Variants in SLIT2 observed in about 807,000 individuals in gnomAD.
The protein encoded by SLIT2 is slit guidance ligand 2, also known as slit homolog 2 protein.
SLIT2 carries 41 observed loss-of-function variants against 185.7 expected under a neutral mutation model. That is an observed-to-expected ratio of 0.22 (90% CI 0.17 to 0.29). SLIT2 has a LOEUF of 0.29. SLIT2 is among the 10% of genes least tolerant of loss of function. The pLI is 1.00. For missense variants in SLIT2, 1,571 were observed against 1,909.0 expected (o/e 0.82, Z 3.30); for synonymous variants, 693 against 680.2 (o/e 1.02, Z -0.29).
chr4:20,612,679 A>G (rs1729314213), intron 34 of SLIT2, among the ~76,000 whole-genome samples: 1 of 152,182 alleles, frequency 6.6e-6, no homozygotes, highest in Non-Finnish European at 1.5e-5. Flanking sequence ...GCACTTTGGG[A>G]GGCCAAGGCG....
At chr4:20,554,219 A>G in intron 26 of SLIT2, 1 of 568,964 alleles carries the variant, frequency 1.8e-6, no homozygotes, top group Non-Finnish European at 3.3e-6. Flanking sequence ...AAAAACGTAG[A>G]GTTCACAATT....
chr4:20,565,867 A>G (rs1328532789), intron 26 of SLIT2, among the ~76,000 whole-genome samples: 1 of 152,046 alleles, frequency 6.6e-6, no homozygotes, highest in African/African-American at 2.4e-5. Flanking sequence ...TAGGAAAGCT[A>G]AACACTACAG....
chr4:20,332,187 T>C (rs1720116966), intron 4 of SLIT2, among the ~76,000 whole-genome samples: 1 of 152,140 alleles, frequency 6.6e-6, no homozygotes, highest in African/African-American at 2.4e-5. Flanking sequence ...CATATATATG[T>C]GTGTTTGTAC....
chr4:20,482,048 C>T (rs1716755849), intron 6 of SLIT2, among the ~76,000 whole-genome samples: 1 of 151,966 alleles, frequency 6.6e-6, no homozygotes, highest in Non-Finnish European at 1.5e-5. Context: ...ATACCAGAAC[C>T]ATTTTTAATA....
At chr4:20,417,274 A>G (rs1577615301) in intron 4 of SLIT2, among the ~76,000 whole-genome samples, 1 of 151,624 alleles carries the variant, frequency 6.6e-6, no homozygotes, top group Non-Finnish European at 1.5e-5. Flanking sequence ...CCATAGTCTC[A>G]TGATTTGGAG....
intron 33 of SLIT2, among the ~76,000 whole-genome samples, chr4:20,604,178 G>A (rs1462040596): frequency 6.6e-6 from 1 of 152,166 alleles, no homozygotes; most frequent in Non-Finnish European, 1.5e-5. Flanking sequence ...AAATACCCAA[G>A]TGGGAATTTT....
chr4:20,400,777 G>A (rs901206671), intron 4 of SLIT2, among the ~76,000 whole-genome samples: 1 of 151,738 alleles, frequency 6.6e-6, no homozygotes, highest in Admixed American at 6.6e-5. Flanking sequence ...AAGCTAAAGA[G>A]GAATCCATGG....
chr4:20,333,918 A>G lies in SLIT2; in HGVS notation c.395+65037A>G, dbSNP rs1315698827. On this transcript the variant is annotated intron_variant, in intron 4 of 36. Coordinates refer to ENST00000504154, the MANE Select transcript of SLIT2 (RefSeq NM_004787.4). ...TTGCATTTGCTTTGGATTGTTGCCTAATAGATAACAAGAAATAGGTACCTA... is the reference window on the plus strand; with the variant it reads ...TTGCATTTGCTTTGGATTGTTGCCTGATAGATAACAAGAAATAGGTACCTA... Among the ~76,000 whole-genome samples, 8 of 152,280 alleles carry G rather than the reference A, an allele frequency of 5.3e-5. No individual in the cohort carries two copies. In the South Asian group the frequency reaches 1.2e-3, roughly 24 times the overall value.
chr4:20,278,839 G>T (rs1201257694), intron 4 of SLIT2, among the ~76,000 whole-genome samples: 2 of 151,392 alleles, frequency 1.3e-5, no homozygotes, highest in Admixed American at 1.3e-4. Flanking sequence ...CGTGTGGAGG[G>T]GGAAGCGAGA....
At chr4:20,616,047 G>A (rs1729621464) in intron 34 of SLIT2, 1 of 152,208 alleles carries the variant, frequency 6.6e-6, no homozygotes, top group South Asian at 2.1e-4. Context: ...GTCACTAGTG[G>A]AATGTATATA....
chr4:20,464,847 T>A (rs1028342071), intron 4 of SLIT2, among the ~76,000 whole-genome samples: 4 of 152,186 alleles, frequency 2.6e-5, no homozygotes, highest in Admixed American at 6.6e-5. Context: ...GTATTTTTTT[T>A]AATTCACTTT....
At chr4:20,517,675 C>A (rs1720334902) in intron 11 of SLIT2, among the ~76,000 whole-genome samples, 1 of 152,060 alleles carries the variant, frequency 6.6e-6, no homozygotes, top group African/African-American at 2.4e-5. Flanking sequence ...TGGAATATCT[C>A]TTTACACTAT....
Position 20,613,476 on chromosome 4 carries a change from A to C in SLIT2, c.3847+3309A>C, listed in dbSNP as rs533442740. ...ATGATGAGAACACATGGACACAGAG[A>C]GGGGAACAACACACACTGGGGCCTA... On this transcript the variant is annotated intron_variant, in intron 34 of 36. Transcript: ENST00000504154. Among the ~76,000 whole-genome samples, 749 of 152,230 alleles carry C rather than the reference A, an allele frequency of 4.9e-3. 9 individuals are homozygous for C. The highest frequency in any genetic ancestry group is 0.017 in the African/African-American group (698 of 41,540).
intron 9 of SLIT2, among the ~76,000 whole-genome samples, chr4:20,506,934 T>G (rs1719261886): frequency 6.6e-6 from 1 of 151,988 alleles, no homozygotes. Flanking sequence ...CAACATAAAC[T>G]CTGTTTCAAA....
intron 4 of SLIT2, among the ~76,000 whole-genome samples, chr4:20,458,457 A>T (rs1346215157): frequency 2.0e-5 from 3 of 152,206 alleles, no homozygotes; most frequent in Non-Finnish European, 4.4e-5. Context: ...TGGGCATAAC[A>T]GTTACCAGGC....
chr4:20,275,347 G>A lies in SLIT2; in HGVS notation c.395+6466G>A, dbSNP rs186414870. ...ACCGTATTGTTGAGGTTTCTTATCT[G>A]TAAAATGGGAAGGATCATACAATTT... is the stretch of plus-strand genomic sequence containing the variant. On this transcript the variant is annotated intron_variant, in intron 4 of 36. Coordinates refer to ENST00000504154, the MANE Select transcript of SLIT2 (RefSeq NM_004787.4). 1.5e-4 allele frequency among the ~76,000 whole-genome samples: 23 copies of A among 152,208 alleles called. No homozygotes were observed. In the East Asian group the frequency reaches 4.3e-3, roughly 28 times the overall value.
chr4:20,254,113 C>G lies in SLIT2; in HGVS notation c.179+119C>G. On this transcript the variant is annotated intron_variant, in intron 1 of 36. Coordinates refer to ENST00000504154, the MANE Select transcript of SLIT2 (RefSeq NM_004787.4). The surrounding 1 kb of genome is among the most constrained non-coding windows in gnomAD (Gnocchi z 5.1). ...GGGGCAGCCCTCGCTAGCTCTCCCCCATGCACATCCTGGGGTTGAGCTCTC... is the reference window on the plus strand; with the variant it reads ...GGGGCAGCCCTCGCTAGCTCTCCCCGATGCACATCCTGGGGTTGAGCTCTC... 2.0e-6 allele frequency: 2 copies of G among 1,012,828 alleles called. No homozygotes were observed. The highest frequency in any genetic ancestry group is 2.9e-6 in the Non-Finnish European group (2 of 686,488). The allele number at this position is 1,012,828 out of a possible 1,614,324, so 62.7% of individuals were successfully genotyped here. A position where few individuals can be genotyped will look rare whatever the true frequency, so the allele number is the denominator to read the frequency against.
intron 4 of SLIT2, among the ~76,000 whole-genome samples, chr4:20,354,788 T>G (rs1375284830): frequency 6.6e-6 from 1 of 151,956 alleles, no homozygotes; most frequent in Non-Finnish European, 1.5e-5. Context: ...TTATATATTG[T>G]CACCATCTGC....
chr4:20,375,181 G>A (rs1196003696), intron 4 of SLIT2, among the ~76,000 whole-genome samples: 3 of 151,990 alleles, frequency 2.0e-5, no homozygotes, highest in South Asian at 4.1e-4. Context: ...TGTTTTTAAT[G>A]TTCAGATTGT....
Sources: gnomAD v4.1 joint callset for allele counts (sites outside exome capture counted in the v4.1 genomes callset) on GRCh38, gnomAD v4.1.1 for gene constraint, Gnocchi (gnomAD v3.1) non-coding constraint, MANE v1.5 for transcripts, NCBI Gene and HGNC (gene_info 2026-07-23, HGNC 2026-07-21) for gene names.